The following MAST2 variants were observed in gnomAD, a reference collection of about 807,000 sequenced individuals.
MAST2 encodes the protein microtubule associated serine/threonine kinase 2.
A neutral mutation model predicts 147.4 loss-of-function variants in MAST2; 70 were observed. The observed-to-expected ratio is 0.47, with a 90% CI of 0.39 to 0.58. The LOEUF is 0.58. MAST2 is among the 20% of genes least tolerant of loss of function. The pLI is 0.00. For missense variants in MAST2, 2,080 were observed against 2,302.3 expected (o/e 0.90, Z 1.98); for synonymous variants, 869 against 896.8 (o/e 0.97, Z 0.55).
chr1:45,970,573 C>T (rs760443629), intron 5 of MAST2, among the ~76,000 whole-genome samples: 1 of 144,266 alleles, frequency 6.9e-6, no homozygotes, highest in African/African-American at 2.6e-5. Context: ...GAGGCTGAGG[C>T]GGGAGAACGG....
intron 5 of MAST2, among the ~76,000 whole-genome samples, chr1:45,982,254 T>C (rs1644440455): frequency 6.6e-6 from 1 of 152,194 alleles, no homozygotes; most frequent in Non-Finnish European, 1.5e-5. Flanking sequence ...ATAAAGAATT[T>C]CTGTGATCTT....
chr1:45,834,654 G>A (rs1645051089), intron 3 of MAST2, among the ~76,000 whole-genome samples: 1 of 152,142 alleles, frequency 6.6e-6, no homozygotes, highest in Non-Finnish European at 1.5e-5. Flanking sequence ...GTTGTTAAAA[G>A]TGGCATAGGA....
Position 45,997,739 on chromosome 1 carries a change from A to T in MAST2, c.608A>T (p.Asp203Val), listed in dbSNP as rs774377481. 6.2e-7 allele frequency: 1 copy of T among 1,613,992 alleles called. No homozygotes were observed. The highest frequency in any genetic ancestry group is 8.5e-7 in the Non-Finnish European group (1 of 1,179,966). Reference protein sequence around the residue: ...LHGHTGNSPLDSPRNFSPNAP... With the variant: ...LHGHTGNSPLVSPRNFSPNAP... ...CCATCCACAGGTAACAGTCCTTTGGACAGCCCCCGGAATTTCTCTCCAAAT... is the reference window on the plus strand; with the variant it reads ...CCATCCACAGGTAACAGTCCTTTGGTCAGCCCCCGGAATTTCTCTCCAAAT... The change falls in exon 6 of 29, where the codon GAC (aspartate) becomes GTC (valine). Residue 203 changes from aspartate to valine, a missense_variant. By Grantham distance (152) the Asp-to-Val change is radical. Transcript: ENST00000361297.
intron 4 of MAST2, among the ~76,000 whole-genome samples, chr1:45,936,795 A>G (rs1656267699): frequency 6.6e-6 from 1 of 152,170 alleles, no homozygotes. Flanking sequence ...TGTGGCCTCT[A>G]GACTGAATTA....
intron 1 of MAST2, among the ~76,000 whole-genome samples, chr1:45,819,683 A>G (rs1644561907): frequency 6.6e-6 from 1 of 152,222 alleles, no homozygotes; most frequent in Non-Finnish European, 1.5e-5. Context: ...CACTGATGCA[A>G]GAAATTGAAG....
At position 46,011,190 on chromosome 1, in the gene MAST2, A is replaced by G. The variant is rs547717680; in HGVS notation, c.1188+251A>G. The G allele has an allele frequency of 1.0e-5, 5 of 500,604 alleles. No individual in the cohort carries two copies. The East Asian group carries it at 1.8e-4, about 18-fold the overall frequency. The allele number at this position is 500,604 out of a possible 1,614,324, so 31.0% of individuals were successfully genotyped here. ...CAAAATTATATTACTTTGTTGTATTACGCGAAGCTCCACCATGGGTAGTAG... is the reference window on the plus strand; with the variant it reads ...CAAAATTATATTACTTTGTTGTATTGCGCGAAGCTCCACCATGGGTAGTAG... On this transcript the variant is annotated intron_variant, in intron 10 of 28. Transcript: ENST00000361297.
intron 5 of MAST2, among the ~76,000 whole-genome samples, chr1:45,984,485 T>C (rs1397040420): frequency 2.0e-5 from 3 of 151,914 alleles, no homozygotes; most frequent in Admixed American, 6.6e-5. Flanking sequence ...TTTTAAATTT[T>C]TGTAGAGACA....
At chr1:45,901,005 TTAAG>T (rs1424867857) in intron 4 of MAST2, among the ~76,000 whole-genome samples, 1 of 152,234 alleles carries the variant, frequency 6.6e-6, no homozygotes. Context: ...TTTAGTTTAA[TTAAG>T]TCTCATTTGT....
Position 46,012,448 on chromosome 1 carries a change from G to A in MAST2, c.1188+1509G>A, listed in dbSNP as rs114992237. ...GAATGCAGAAAAGAATTCAGTGCAG[G>A]CTCTATCTTAGGGAATTTGCCATCA... On this transcript the variant is annotated intron_variant, in intron 10 of 28. Coordinates refer to ENST00000361297, the MANE Select transcript of MAST2 (RefSeq NM_015112.3). Among the ~76,000 whole-genome samples, 1,008 of 152,294 alleles carry A rather than the reference G, an allele frequency of 6.6e-3. 12 individuals carry two copies. Among genetic ancestry groups the A allele is most frequent in the African/African-American group, 0.023 (972 of 41,552 alleles).
intron 4 of MAST2, among the ~76,000 whole-genome samples, chr1:45,897,692 C>T (rs1384324229): frequency 6.6e-6 from 1 of 151,672 alleles, no homozygotes; most frequent in Non-Finnish European, 1.5e-5. Flanking sequence ...GCCTGTGGTC[C>T]CAGCTACTCG....
At chr1:45,983,755 C>T (rs939725995) in intron 5 of MAST2, among the ~76,000 whole-genome samples, 4 of 152,136 alleles carry the variant, frequency 2.6e-5, no homozygotes, top group Admixed American at 6.6e-5. Context: ...GTTAGGATTA[C>T]AGGCCCAATT....
intron 5 of MAST2, among the ~76,000 whole-genome samples, chr1:45,976,636 T>A (rs1473821407): frequency 2.6e-5 from 4 of 152,210 alleles, no homozygotes; most frequent in East Asian, 1.9e-4. Context: ...CATAAGAATT[T>A]GTGAATTGTA....
At chr1:45,976,185 C>G (rs1644149287) in intron 5 of MAST2, among the ~76,000 whole-genome samples, 2 of 152,074 alleles carry the variant, frequency 1.3e-5, no homozygotes, top group Admixed American at 1.3e-4. Flanking sequence ...CCATGTTGGC[C>G]AGGCTGCTTT....
chr1:45,937,804 A>G (rs1263432339), intron 4 of MAST2, among the ~76,000 whole-genome samples: 1 of 151,284 alleles, frequency 6.6e-6, no homozygotes, highest in Non-Finnish European at 1.5e-5. Context: ...AAGCAATTCA[A>G]CGTAAGCGAT....
intron 4 of MAST2, among the ~76,000 whole-genome samples, chr1:45,906,432 A>G (rs1557890274): frequency 6.6e-6 from 1 of 151,920 alleles, no homozygotes; most frequent in African/African-American, 2.4e-5. Context: ...TGTAGAGAAC[A>G]AAAATATTTT....
At chr1:45,980,456 CTAAAA>C (rs1251898668) in intron 5 of MAST2, among the ~76,000 whole-genome samples, 1 of 151,798 alleles carries the variant, frequency 6.6e-6, no homozygotes, top group Non-Finnish European at 1.5e-5. Context: ...CCCGCTGAAT[CTAAAA>C]TAAAAGTTGA....
chr1:45,912,657 G>A (rs892900083), intron 4 of MAST2, among the ~76,000 whole-genome samples: 9 of 152,214 alleles, frequency 5.9e-5, no homozygotes, highest in South Asian at 2.1e-4. Context: ...TGGCAGAGCC[G>A]CTGAAGCAGG....
At chr1:45,810,478 T>C (rs901468710) in intron 1 of MAST2, among the ~76,000 whole-genome samples, 1 of 152,104 alleles carries the variant, frequency 6.6e-6, no homozygotes, top group African/African-American at 2.4e-5. Context: ...AGGTTAGAGA[T>C]TAAAGAAGCC....
intron 5 of MAST2, among the ~76,000 whole-genome samples, chr1:45,965,548 C>T (rs553499858): frequency 3.0e-4 from 45 of 152,090 alleles, no homozygotes; most frequent in Admixed American, 3.9e-4. Context: ...GATTGCAACC[C>T]CTGCCTTTCT....
Sources: gnomAD v4.1 joint callset for allele counts (sites outside exome capture counted in the v4.1 genomes callset) on GRCh38, gnomAD v4.1.1 for gene constraint, MANE v1.5 for transcripts, NCBI Gene and HGNC (gene_info 2026-07-23, HGNC 2026-07-21) for gene names.